RABGEF1: variants seen among roughly 807,000 people sequenced by gnomAD.
The protein encoded by RABGEF1 is rab5 GDP/GTP exchange factor.
A neutral mutation model predicts 57.3 loss-of-function variants in RABGEF1; 26 were observed. The observed-to-expected ratio is 0.45, with a 90% CI of 0.33 to 0.63. The LOEUF (loss-of-function observed/expected upper bound fraction) is 0.63, where lower values mean the gene tolerates loss of function less well. Ranked by LOEUF, RABGEF1 falls within the 20% of genes least tolerant of loss-of-function variation. The probability of loss-of-function intolerance (pLI) is 0.02; values close to 1 mark genes in which losing one functional copy is unlikely to be tolerated. For missense variants in RABGEF1, 464 were observed against 607.6 expected (o/e 0.76, Z 2.48); for synonymous variants, 185 against 210.7 (o/e 0.88, Z 1.06).
In RABGEF1 at chr7:66,790,877, CA is replaced by C. The variant is rs1812490990; in HGVS notation, c.514-4633del. On this transcript the variant is annotated intron_variant, in intron 4 of 8. Coordinates refer to ENST00000284957, the MANE Select transcript of RABGEF1 (RefSeq NM_014504.3). ...TACAGGTCTTCTAGAGTTCATGAAT[CA>C]CGCTGTATCTGCTCAGACTCTAGTG... is the stretch of plus-strand genomic sequence containing the variant. 2.0e-5 allele frequency among the ~76,000 whole-genome samples: 3 copies of C among 152,314 alleles called. No individual in the cohort carries two copies. The South Asian group carries it at 6.2e-4, about 32-fold the overall frequency.
chr7:66,738,648 C>CT (rs1294644062), upstream of RABGEF1, among the ~76,000 whole-genome samples: 1 of 149,976 alleles, frequency 6.7e-6, no homozygotes. Context: ...AGAAGGATCA[C>CT]TTGAGCCAGG....
the RABGEF1 span, among the ~76,000 whole-genome samples, chr7:66,675,148 C>T: frequency 1.3e-5 from 2 of 152,042 alleles, no homozygotes; most frequent in South Asian, 4.1e-4. Flanking sequence ...TTATTTTCTC[C>T]AATTTTACAG....
At chr7:66,766,081 T>C (rs1805626880) in intron 1 of RABGEF1, among the ~76,000 whole-genome samples, 1 of 152,112 alleles carries the variant, frequency 6.6e-6, no homozygotes, top group Admixed American at 6.5e-5. Flanking sequence ...TTCAAAATAA[T>C]TTGAAACCCA....
chr7:66,783,486 T>A (rs550179747), intron 3 of RABGEF1, among the ~76,000 whole-genome samples, 189 bp from the exon 4 acceptor site: 32 of 152,352 alleles, frequency 2.1e-4, no homozygotes, highest in Admixed American at 1.9e-3. Context: ...CTACTCATAC[T>A]TCCTACTTGT....
At chr7:66,739,352 G>T (rs1798452473), upstream of RABGEF1, among the ~76,000 whole-genome samples, 2 of 151,432 alleles carry the variant, frequency 1.3e-5, no homozygotes, top group East Asian at 3.9e-4. Context: ...TACCAATAAT[G>T]AATAAAGACT....
chr7:66,704,702 T>C (rs1004089537), intron 1 of RABGEF1, among the ~76,000 whole-genome samples: 10 of 151,664 alleles, frequency 6.6e-5, no homozygotes, highest in Non-Finnish European at 1.2e-4. Flanking sequence ...TCCCATCTAC[T>C]CAGGAGGCTG....
Position 66,721,209 on chromosome 7 carries a change from G to T in RABGEF1, c.-815+8985G>T, listed in dbSNP as rs185100705. Among the ~76,000 whole-genome samples the T allele has an allele frequency of 2.6e-5, 4 of 152,248 alleles. No individual in the cohort carries two copies. The East Asian group carries it at 7.7e-4, about 29-fold the overall frequency. The stretch of plus-strand genomic sequence containing the variant: ...GCTGGGATTACAGGCATGAGCCACT[G>T]TGCCCGGCCAAAAGAAAGCCATTAA... On this transcript the variant is annotated intron_variant and NMD_transcript_variant, in intron 2 of 9. Coordinates refer to the RABGEF1 transcript ENST00000607882.
In RABGEF1 at chr7:66,759,771, T is replaced by G. The variant is rs113727340; in HGVS notation, c.-17-12112T>G. Among the ~76,000 whole-genome samples the G allele has an allele frequency of 3.1e-3, 461 of 150,864 alleles. 1 individual carries two copies. Among genetic ancestry groups the G allele is most frequent in the African/African-American group, 1.0e-2 (413 of 41,454 alleles). On this transcript the variant is annotated intron_variant, in intron 1 of 8. Transcript: ENST00000284957. Reference sequence around the variant, plus strand: ...GGGGATGGTGCGAAACCATTCATGATTAACTGCCCCATGATCAGATCACCT... The same window carrying G: ...GGGGATGGTGCGAAACCATTCATGAGTAACTGCCCCATGATCAGATCACCT...
chr7:66,664,390 G>A, the RABGEF1 span, among the ~76,000 whole-genome samples: 1 of 151,890 alleles, frequency 6.6e-6, no homozygotes, highest in South Asian at 2.1e-4. Context: ...GACCAGCCTG[G>A]ACAATATAGC....
chr7:66,678,544 G>T (rs1162988116), upstream of RABGEF1, among the ~76,000 whole-genome samples: 5 of 120,476 alleles, frequency 4.2e-5, no homozygotes, highest in African/African-American at 1.7e-4. Flanking sequence ...TAGCCTGGGT[G>T]ACAGAGTGAG....
the RABGEF1 span, among the ~76,000 whole-genome samples, chr7:66,655,596 C>T: frequency 2.0e-5 from 3 of 152,146 alleles, no homozygotes; most frequent in Non-Finnish European, 2.9e-5. Flanking sequence ...TGTCAAACTC[C>T]TGGCCTTAAG....
chr7:66,731,545 T>C (rs1278560596), intron 2 of RABGEF1, among the ~76,000 whole-genome samples: 1 of 151,812 alleles, frequency 6.6e-6, no homozygotes, highest in African/African-American at 2.4e-5. Context: ...GGTGAAACCC[T>C]GTCTCTCCAG....
intron 2 of RABGEF1, among the ~76,000 whole-genome samples, chr7:66,730,253 C>T (rs1452432202): frequency 6.6e-6 from 1 of 152,208 alleles, no homozygotes; most frequent in Non-Finnish European, 1.5e-5. Flanking sequence ...GCATTTCCAG[C>T]CTCCACCTCT....
chr7:66,701,413 G>T (rs1793240368), intron 1 of RABGEF1, among the ~76,000 whole-genome samples: 1 of 151,946 alleles, frequency 6.6e-6, no homozygotes, highest in African/African-American at 2.4e-5. Flanking sequence ...GAGATGGGAG[G>T]ATCTGAGCCC....
At chr7:66,734,161 G>A (rs901557564) in intron 2 of RABGEF1, among the ~76,000 whole-genome samples, 13 of 152,170 alleles carry the variant, frequency 8.5e-5, no homozygotes, top group Non-Finnish European at 1.5e-4. Flanking sequence ...AAGATTAGAC[G>A]CATTGTCAGG....
At chr7:66,686,528 C>G (rs1790662509) in intron 1 of RABGEF1, among the ~76,000 whole-genome samples, 1 of 152,166 alleles carries the variant, frequency 6.6e-6, no homozygotes, top group South Asian at 2.1e-4. Context: ...ATTAAATATA[C>G]ACTTTTATCA....
chr7:66,809,180 C>T lies in RABGEF1; in HGVS notation c.1372C>T (p.Leu458=), dbSNP rs1193528384. The stretch of plus-strand genomic sequence containing the variant: ...TCAAGACATCGTTGAGAAATACCCA[C>T]TGGAAATTAAGCCTCCGAATCAACC... ...EVQDIVEKYP[L]EIKPPNQPLA... The change falls in exon 9 of 9, where the codon CTG becomes TTG. Residue 458 remains leucine (L), a synonymous_variant. Transcript: ENST00000284957. 11 of 1,614,096 alleles carry T rather than the reference C, an allele frequency of 6.8e-6. No individual in the cohort carries two copies. Among genetic ancestry groups the T allele is most frequent in the Non-Finnish European group, 9.3e-6 (11 of 1,180,040 alleles).
At position 66,811,199 on chromosome 7, in the gene RABGEF1, CTT is replaced by C. The variant is rs762600300; in HGVS notation, c.*1920_*1921del. On this transcript the variant is annotated 3_prime_UTR_variant, in exon 9 of 9. Transcript: ENST00000284957. ...CATATCAACTTCCCACAAAAGCTGA[CTT>C]TTTTGGGTCTCTTACATATAAAGTA... 2.0e-5 allele frequency: 3 copies of C among 152,110 alleles called. No individual in the cohort carries two copies. Among genetic ancestry groups the C allele is most frequent in the Non-Finnish European group, 4.4e-5 (3 of 68,022 alleles). 9.4% of individuals were successfully genotyped at this position (152,110 alleles called of 1,614,324 possible).
intron 4 of RABGEF1, among the ~76,000 whole-genome samples, chr7:66,786,521 A>T (rs62464647): frequency 2.0e-5 from 3 of 152,036 alleles, no homozygotes; most frequent in African/African-American, 7.2e-5. Flanking sequence ...CTCCTGCCTT[A>T]GTCTCCTGAG....
Sources: allele counts gnomAD v4.1 joint callset (sites outside exome capture counted in the v4.1 genomes callset), GRCh38; gene constraint gnomAD v4.1.1; transcripts MANE v1.5; gene names NCBI Gene and HGNC (gene_info 2026-07-23, HGNC 2026-07-21).